The following DST variants were observed in gnomAD, a reference collection of about 807,000 sequenced individuals.
The protein encoded by DST is dystonin, also known as bullous pemphigoid antigen.
A neutral mutation model predicts 875.2 loss-of-function variants in DST; 253 were observed. The observed-to-expected ratio is 0.29, with a 90% CI of 0.26 to 0.32. The LOEUF (loss-of-function observed/expected upper bound fraction) is 0.32. DST is among the 10% of genes least tolerant of loss of function. DST has a pLI of 1.00. For missense variants in DST, 8,287 were observed against 9,111.6 expected, an observed-to-expected ratio of 0.91 and a Z score of 3.68; for synonymous variants, 3,124 against 3,197.1, an observed-to-expected ratio of 0.98 and a Z score of 0.77.
chr6:56,670,788 G>A lies in DST; in HGVS notation c.1067C>T (p.Thr356Ile), dbSNP rs748874350. The change falls in exon 10 of 104, where the codon ACT becomes ATT. Residue 356 changes from threonine (T) to isoleucine (I), a missense_variant. Thr to Ile is a moderately conservative substitution (Grantham distance 89, BLOSUM62 -1). Transcript: ENST00000680361. ...LHFQISDIHV[T>I]GESEDMSAKE... ...TGCAGACATATCCTCTGACTCTCCA[G>A]TAACATGGATATCAGATATCTAGAT... is the stretch of plus-strand genomic sequence containing the variant. The A allele has an allele frequency of 1.9e-6, 3 of 1,597,424 alleles. No homozygotes were observed. Among genetic ancestry groups the A allele is most frequent in the Admixed American group, 3.5e-5 (2 of 57,428 alleles).
chr6:56,640,082 T>TA (rs2098876199), intron 18 of DST, 25 bp from the exon 19 acceptor site: 1 of 1,613,802 alleles, frequency 6.2e-7, no homozygotes. Flanking sequence ...ATACTAAGTT[T>TA]AAAAAAGAAA....
intron 61 of DST, among the ~76,000 whole-genome samples, chr6:56,546,994 C>G (rs2097240836): frequency 6.6e-6 from 1 of 152,112 alleles, no homozygotes; most frequent in African/African-American, 2.4e-5. Context: ...CTGGCTGGAA[C>G]TGCCTTCAGA....
chr6:56,910,012 A>G (rs1798177686), intron 2 of DST, among the ~76,000 whole-genome samples: 1 of 152,206 alleles, frequency 6.6e-6, no homozygotes, highest in South Asian at 2.1e-4. Context: ...GAGAGAATGT[A>G]TTCCCTGGCA....
intron 61 of DST, among the ~76,000 whole-genome samples, chr6:56,545,644 C>T (rs976805885): frequency 1.3e-5 from 2 of 152,118 alleles, no homozygotes; most frequent in Non-Finnish European, 2.9e-5. Flanking sequence ...TTATCATTCA[C>T]ATTTATGATT....
chr6:56,513,664 G>A (rs779153369), intron 72 of DST, among the ~76,000 whole-genome samples: 4 of 152,100 alleles, frequency 2.6e-5, no homozygotes, highest in Non-Finnish European at 5.9e-5. Context: ...GTGCCTGGCC[G>A]AGGAGCCTTT....
At chr6:56,516,092 A>T (rs928931289) in intron 71 of DST, among the ~76,000 whole-genome samples, 3 of 150,944 alleles carry the variant, frequency 2.0e-5, no homozygotes, top group Non-Finnish European at 4.4e-5. Context: ...ATATGTGTAT[A>T]TATATGTGTG....
At chr6:56,597,157 T>C (rs889387407) in intron 47 of DST, among the ~76,000 whole-genome samples, 2 of 152,004 alleles carry the variant, frequency 1.3e-5, no homozygotes, top group African/African-American at 4.8e-5. Flanking sequence ...GGAGGATCAA[T>C]TGGGCCAGGG....
chr6:56,758,512 T>C (rs891410525), intron 4 of DST, among the ~76,000 whole-genome samples: 1 of 152,218 alleles, frequency 6.6e-6, no homozygotes, highest in Admixed American at 6.5e-5. Context: ...AAGAATTCTG[T>C]AGGTCAGAAA....
At chr6:56,809,310 G>A (rs899785364) in intron 4 of DST, among the ~76,000 whole-genome samples, 2 of 152,302 alleles carry the variant, frequency 1.3e-5, no homozygotes, top group South Asian at 4.2e-4. Flanking sequence ...CCCTCCCCGA[G>A]TGAGGCATAA....
intron 56 of DST, among the ~76,000 whole-genome samples, chr6:56,561,768 TAA>T (rs1323652834): frequency 6.6e-6 from 1 of 151,994 alleles, no homozygotes; most frequent in East Asian, 1.9e-4. Flanking sequence ...ACAAGTGAAA[TAA>T]AAAAGACATT....
intron 3 of DST, among the ~76,000 whole-genome samples, chr6:56,861,514 C>T (rs1393802900): frequency 1.3e-5 from 2 of 152,142 alleles, no homozygotes; most frequent in African/African-American, 4.8e-5. Context: ...TTTGGGTTTT[C>T]CCTGACATTT....
intron 4 of DST, among the ~76,000 whole-genome samples, chr6:56,798,537 C>T (rs558259534): frequency 4.6e-5 from 7 of 152,196 alleles, no homozygotes; most frequent in Admixed American, 3.9e-4. Context: ...TGGCAATGTA[C>T]CTAGTCCAAG....
At chr6:56,827,002 T>G (rs2099781282) in intron 4 of DST, among the ~76,000 whole-genome samples, 1 of 152,170 alleles carries the variant, frequency 6.6e-6, no homozygotes, top group Non-Finnish European at 1.5e-5. Context: ...AGTTTCTAAC[T>G]TTAAAAAAAC....
intron 49 of DST, among the ~76,000 whole-genome samples, chr6:56,584,344 T>A (rs2098096854): frequency 6.6e-6 from 1 of 152,176 alleles, no homozygotes; most frequent in Non-Finnish European, 1.5e-5. Context: ...TATTTTATTC[T>A]CTTGGAAGCA....
At chr6:56,817,369 C>T (rs2099767792) in intron 4 of DST, among the ~76,000 whole-genome samples, 1 of 152,110 alleles carries the variant, frequency 6.6e-6, no homozygotes, top group Non-Finnish European at 1.5e-5. Context: ...GGCCATATGA[C>T]TTTATCTTAC....
At chr6:56,763,823 T>C (rs903137033) in intron 4 of DST, among the ~76,000 whole-genome samples, 14 of 151,830 alleles carry the variant, frequency 9.2e-5, no homozygotes, top group African/African-American at 2.9e-4. Context: ...CACAAGGAAC[T>C]CTAGTCCTAC....
At chr6:56,716,683 C>T (rs1005350261) in intron 5 of DST, among the ~76,000 whole-genome samples, 2 of 152,176 alleles carry the variant, frequency 1.3e-5, no homozygotes, top group Non-Finnish European at 2.9e-5. Flanking sequence ...ACCAACCCCA[C>T]CAAACTGGGC....
intron 10 of DST, among the ~76,000 whole-genome samples, chr6:56,657,330 A>G (rs577327142): frequency 2.6e-4 from 39 of 152,326 alleles, no homozygotes; most frequent in African/African-American, 8.7e-4. Context: ...TTTAAATGTT[A>G]GCAAGGAGGG....
At chr6:56,864,904 T>C (rs758094604) in intron 3 of DST, among the ~76,000 whole-genome samples, 2 of 152,206 alleles carry the variant, frequency 1.3e-5, no homozygotes, top group Non-Finnish European at 2.9e-5. Flanking sequence ...CAGTAACAGA[T>C]ACATTCTTTT....
Sources: allele counts gnomAD v4.1 joint callset (sites outside exome capture counted in the v4.1 genomes callset), GRCh38; gene constraint gnomAD v4.1.1; transcripts MANE v1.5; gene names NCBI Gene and HGNC (gene_info 2026-07-23, HGNC 2026-07-21).